Variants in NLRP5 observed in about 807,000 individuals in gnomAD.
The protein encoded by NLRP5 is NACHT, LRR and PYD domains-containing protein 5.
In NLRP5, 93 loss-of-function variants were observed where a neutral mutation model predicts 113.1. The ratio of observed to expected loss-of-function variants is 0.82; its 90% confidence interval spans 0.70 to 0.98. The LOEUF (loss-of-function observed/expected upper bound fraction) is 0.98, where lower values mean the gene tolerates loss of function less well. Ranked by LOEUF, NLRP5 falls within the 50% of genes least tolerant of loss-of-function variation. The pLI is 0.00. For missense variants in NLRP5, 1,808 were observed against 1,514.3 expected, an observed-to-expected ratio of 1.19 and a Z score of -3.22; for synonymous variants, 751 against 600.7, an observed-to-expected ratio of 1.25 and a Z score of -3.66.
At position 56,001,333 on chromosome 19, in the gene NLRP5, A is replaced by AAC. The variant is rs1182091208; in HGVS notation, c.62+1547_62+1548insCA. 1.0e-4 allele frequency among the ~76,000 whole-genome samples: 14 copies of AAC among 138,062 alleles called. No individual in the cohort carries two copies. In the East Asian group the frequency reaches 1.3e-3, roughly 13 times the overall value. 90.6% of individuals were successfully genotyped at this position (138,062 alleles called of 152,430 possible). ...GCAAGACTCAGTCATTTAAAAAAAA[A>AAC]AACAAACAAAAAACACCACAGCTTA... On this transcript the variant is annotated intron_variant, in intron 1 of 14. Coordinates refer to ENST00000390649, the MANE Select transcript of NLRP5 (RefSeq NM_153447.4).
intron 11 of NLRP5, among the ~76,000 whole-genome samples, chr19:56,048,809 G>A (rs1031393871): frequency 6.6e-6 from 1 of 151,674 alleles, no homozygotes; most frequent in Non-Finnish European, 1.5e-5. Flanking sequence ...ACCCAAATAT[G>A]TTTTCCAGGC....
chr19:56,033,173 C>T (rs1324195174), intron 8 of NLRP5, among the ~76,000 whole-genome samples: 1 of 152,098 alleles, frequency 6.6e-6, no homozygotes, highest in African/African-American at 2.4e-5. Context: ...ATTGCCTGAA[C>T]CAGGGAGGTG....
chr19:56,010,534 C>T (rs1216051216), intron 3 of NLRP5, among the ~76,000 whole-genome samples: 2 of 151,154 alleles, frequency 1.3e-5, no homozygotes, highest in Non-Finnish European at 2.9e-5. Context: ...CACCTGAGGT[C>T]GGGAGTTCGA....
intron 11 of NLRP5, among the ~76,000 whole-genome samples, chr19:56,048,459 G>A (rs1370896424): frequency 1.3e-5 from 2 of 150,550 alleles, no homozygotes; most frequent in African/African-American, 4.8e-5. Context: ...GAAAAAGACT[G>A]TATCTTTCCT....
intron 2 of NLRP5, among the ~76,000 whole-genome samples, chr19:56,006,833 G>A (rs570387158): frequency 3.6e-4 from 55 of 151,790 alleles, no homozygotes; most frequent in African/African-American, 1.2e-3. Context: ...TCCGCCTTCC[G>A]GGTTCATGCC....
intron 11 of NLRP5, among the ~76,000 whole-genome samples, chr19:56,046,768 G>A (rs1983743952): frequency 6.6e-6 from 1 of 152,032 alleles, no homozygotes; most frequent in Admixed American, 6.6e-5. Flanking sequence ...TCCTGACCTC[G>A]TGATCTGCCC....
intron 6 of NLRP5, among the ~76,000 whole-genome samples, chr19:56,022,426 G>T (rs1464671745): frequency 1.3e-5 from 2 of 151,990 alleles, no homozygotes; most frequent in African/African-American, 2.4e-5. Context: ...AGGGGGTCTC[G>T]CTATGTTGCT....
chr19:56,006,191 C>T (rs567924851), intron 2 of NLRP5, among the ~76,000 whole-genome samples: 57 of 152,108 alleles, frequency 3.7e-4, no homozygotes, highest in Non-Finnish European at 7.4e-5. Context: ...AACCAAACAC[C>T]GCATGTTGTC....
chr19:56,033,219 C>T (rs1033081326), intron 8 of NLRP5, among the ~76,000 whole-genome samples: 3 of 152,078 alleles, frequency 2.0e-5, no homozygotes, highest in Non-Finnish European at 4.4e-5. Context: ...CCACGGCATT[C>T]CAGCCTGGGT....
At chr19:56,031,996 T>A (rs1239474763) in intron 7 of NLRP5, among the ~76,000 whole-genome samples, 1 of 152,170 alleles carries the variant, frequency 6.6e-6, no homozygotes, top group Non-Finnish European at 1.5e-5. Context: ...TGTACTGTTT[T>A]CCACAGCTGT....
chr19:55,989,754 T>C, the NLRP5 span, among the ~76,000 whole-genome samples: 3 of 152,194 alleles, frequency 2.0e-5, no homozygotes, highest in African/African-American at 7.2e-5. Flanking sequence ...CAGGGCACGT[T>C]GGTGCTCAAA....
At chr19:55,995,780 T>G (rs1981305497), upstream of NLRP5, among the ~76,000 whole-genome samples, 1 of 152,198 alleles carries the variant, frequency 6.6e-6, no homozygotes, top group African/African-American at 2.4e-5. Context: ...TGGGTTTTAC[T>G]ATAGATATTT....
rs369622191 is a variant in NLRP5 at position 56,043,542 on chromosome 19, CTTTTTTTTTTTTTTTTTT to C, written c.2957+2474_2957+2491del. On this transcript the variant is annotated intron_variant, in intron 11 of 14. Transcript: ENST00000390649. The stretch of plus-strand genomic sequence containing the variant: ...TGGATTGTCTGTTTACTCTGCTATT[CTTTTTTTTTTTTTTTTTT>C]TTTTTTTTTTTTTTTTTTTTTTTGA... Among the ~76,000 whole-genome samples, 626 of 92,750 alleles carry C rather than the reference CTTTTTTTTTTTTTTTTTT, an allele frequency of 6.7e-3. 7 individuals carry two copies. The highest frequency in any genetic ancestry group is 0.031 in the African/African-American group (571 of 18,648). The allele number at this position is 92,750 out of a possible 152,430, so 60.8% of individuals were successfully genotyped here.
At chr19:56,058,064 C>A (rs1005587397) in intron 13 of NLRP5, among the ~76,000 whole-genome samples, 176 bp from the exon 14 acceptor site, 3 of 148,124 alleles carry the variant, frequency 2.0e-5, no homozygotes, top group African/African-American at 7.4e-5. Context: ...TTGGGTCTTT[C>A]ATCAGAACAA....
At chr19:55,991,307 T>G in the NLRP5 span, among the ~76,000 whole-genome samples, 1 of 152,236 alleles carries the variant, frequency 6.6e-6, no homozygotes, top group African/African-American at 2.4e-5. Context: ...GATGTTAAAG[T>G]GCAGCCTAGA....
intron 9 of NLRP5, among the ~76,000 whole-genome samples, chr19:56,035,380 C>CA (rs1371871136): frequency 1.3e-5 from 2 of 152,210 alleles, no homozygotes; most frequent in Non-Finnish European, 2.9e-5. Flanking sequence ...TTAGCCAAAG[C>CA]ATAAATGTTG....
At chr19:55,988,662 TTTG>T in the NLRP5 span, 1 of 151,906 alleles carries the variant, frequency 6.6e-6, no homozygotes, top group Admixed American at 6.6e-5. Flanking sequence ...CCCTGAGGCT[TTTG>T]TTGGTTTTTA....
intron 3 of NLRP5, 95 bp from the exon 4 acceptor site, chr19:56,015,647 T>C: frequency 3.9e-6 from 4 of 1,013,824 alleles, no homozygotes; most frequent in Non-Finnish European, 5.6e-6. Flanking sequence ...AAATTAACTA[T>C]GGCATGACTA....
At chr19:56,021,873 G>GA (rs140546582) in intron 6 of NLRP5, among the ~76,000 whole-genome samples, 3,106 of 152,184 alleles carry the variant, frequency 0.02, 48 homozygotes, top group Non-Finnish European at 0.033. Context: ...GCAGAGTTCT[G>GA]AAAAAAGGGG....
Sources: gnomAD v4.1 joint callset for allele counts (sites outside exome capture counted in the v4.1 genomes callset) on GRCh38, gnomAD v4.1.1 for gene constraint, MANE v1.5 for transcripts, NCBI Gene and HGNC (gene_info 2026-07-23, HGNC 2026-07-21) for gene names.